Variants in OLFM1 observed in about 807,000 individuals in gnomAD.
OLFM1 encodes olfactomedin 1, also known as noelin.
In OLFM1, 9 loss-of-function variants were observed where a neutral mutation model predicts 49.7. The ratio of observed to expected loss-of-function variants is 0.18; its 90% CI spans 0.11 to 0.32. The LOEUF (loss-of-function observed/expected upper bound fraction) is 0.32. Among genes scored for constraint, OLFM1 ranks in the 10% least tolerant of loss-of-function variants. The pLI is 1.00. For missense variants in OLFM1, 369 were observed against 661.8 expected, an observed-to-expected ratio of 0.56 and a Z score of 4.85; for synonymous variants, 240 against 271.8, an observed-to-expected ratio of 0.88 and a Z score of 1.15.
intron 1 of OLFM1, among the ~76,000 whole-genome samples, chr9:135,078,512 T>C: frequency 6.6e-6 from 1 of 152,194 alleles, no homozygotes; most frequent in Non-Finnish European, 1.5e-5. Flanking sequence ...ATGGATGGCC[T>C]ACGACACGCA....
intron 4 of OLFM1, among the ~76,000 whole-genome samples, chr9:135,099,704 A>C (rs536542333): frequency 6.6e-6 from 1 of 152,230 alleles, no homozygotes; most frequent in African/African-American, 2.4e-5. Flanking sequence ...TGATGTGTGC[A>C]TGCTGGCTGT....
intron 5 of OLFM1, among the ~76,000 whole-genome samples, chr9:135,107,234 C>T (rs544534795): frequency 1.3e-5 from 2 of 152,356 alleles, no homozygotes; most frequent in African/African-American, 4.8e-5. Context: ...GTCCTTGCAT[C>T]TGCTTCAGGA....
At chr9:135,108,099 G>A (rs1016521714) in intron 5 of OLFM1, among the ~76,000 whole-genome samples, 12 of 152,188 alleles carry the variant, frequency 7.9e-5, no homozygotes, top group Non-Finnish European at 1.5e-4. Context: ...CTGCAGAGCC[G>A]GGATACAATT....
intron 3 of OLFM1, chr9:135,097,677 G>A (rs1035056172): frequency 5.3e-6 from 5 of 935,778 alleles, no homozygotes; most frequent in Non-Finnish European, 7.1e-6. Context: ...ATTACAGTGG[G>A]ATTTTTCTAA....
chr9:135,084,052 CT>C (rs1830565010), upstream of OLFM1, among the ~76,000 whole-genome samples: 2 of 152,196 alleles, frequency 1.3e-5, no homozygotes, highest in Admixed American at 1.3e-4. The surrounding 1 kb of genome is among the most constrained non-coding windows in gnomAD (Gnocchi z 4.6). Flanking sequence ...ACCCAGAGGC[CT>C]CAGAGGAGGG....
Position 135,117,038 on chromosome 9 carries a change from C to G in OLFM1, c.784-2466C>G, listed in dbSNP as rs944244057. 6.6e-6 allele frequency among the ~76,000 whole-genome samples: 1 copy of G among 152,090 alleles called. No individual in the cohort carries two copies. Among genetic ancestry groups the G allele is most frequent in the Non-Finnish European group, 1.5e-5 (1 of 68,024 alleles). On this transcript the variant is annotated intron_variant, in intron 5 of 5. Transcript: ENST00000371793. This position sits in a 1 kb window ranked among gnomAD's most constrained non-coding sequence, Gnocchi z 5.5. The stretch of plus-strand genomic sequence containing the variant: ...TCCTTAGTCTCCTGCAGCTCCAGAG[C>G]CCTCGACGGATAAAGCAGCTGTCTC...
chr9:135,076,497 T>C (rs1564264239), intron 1 of OLFM1: 1 of 1,340,612 alleles, frequency 7.5e-7, no homozygotes, highest in Non-Finnish European at 9.8e-7. Flanking sequence ...CTCTGCTTGG[T>C]ATTCTCCATT....
chr9:135,075,749 C>A lies in OLFM1; in HGVS notation c.43C>A (p.Arg15=), dbSNP rs542558574. 4 of 1,606,590 alleles carry A rather than the reference C, an allele frequency of 2.5e-6. No individual in the cohort carries two copies. In the Admixed American group the frequency reaches 6.7e-5, roughly 27 times the overall value. The change falls in exon 1 of 6, where the codon CGG becomes AGG. Residue 15 remains arginine (R), a synonymous_variant. Coordinates refer to the OLFM1 transcript ENST00000252854. ...GTGGCAGCGAGACATGCACCCGGCC[C>A]GGAAGCTCCTCAGCCTCCTCTTCCT... is the stretch of plus-strand genomic sequence containing the variant.
At chr9:135,094,551 G>A (rs944556633) in intron 2 of OLFM1, among the ~76,000 whole-genome samples, 1 of 152,212 alleles carries the variant, frequency 6.6e-6, no homozygotes, top group Admixed American at 6.5e-5. Context: ...TCTCGGGGAA[G>A]AGAAGGGGTG....
chr9:135,103,187 C>T (rs1003963037), intron 4 of OLFM1, among the ~76,000 whole-genome samples: 3 of 152,210 alleles, frequency 2.0e-5, no homozygotes, highest in Non-Finnish European at 2.9e-5. Flanking sequence ...GGCCAGCCCT[C>T]TCCTGCCTCT....
upstream of OLFM1, chr9:135,087,447 T>G (rs544011229): frequency 1.3e-6 from 2 of 1,542,202 alleles, no homozygotes; most frequent in African/African-American, 2.8e-5. Context: ...CGCCGGGTAT[T>G]TTATGATCTG....
chr9:135,103,290 G>T (rs117290733), intron 4 of OLFM1, among the ~76,000 whole-genome samples: 2 of 152,228 alleles, frequency 1.3e-5, no homozygotes, highest in Non-Finnish European at 2.9e-5. Flanking sequence ...TTCCACTGAG[G>T]CTCTGCCATG....
chr9:135,084,469 C>A (rs1472503610), upstream of OLFM1, among the ~76,000 whole-genome samples: 1 of 149,512 alleles, frequency 6.7e-6, no homozygotes, highest in Non-Finnish European at 1.5e-5. The surrounding 1 kb of genome is among the most constrained non-coding windows in gnomAD (Gnocchi z 4.6). Flanking sequence ...TCTCTTCTCT[C>A]TGTCTCTCCT....
chr9:135,119,755 C>T lies in OLFM1; in HGVS notation c.1035C>T (p.Tyr345=), dbSNP rs1229822440. The T allele has an allele frequency of 3.1e-6, 5 of 1,614,058 alleles. No individual in the cohort carries two copies. In the South Asian group the frequency reaches 3.3e-5, roughly 11 times the overall value. The part of the protein sequence containing the change: ...SLDYAGYNNM[Y]HYAWGGHSDI... ...ACTATGCCGGTTACAACAACATGTA[C>T]CACTACGCCTGGGGTGGCCACTCGG... Residue 345 remains tyrosine (Y), a synonymous_variant, in exon 6 of 6, where the codon TAC becomes TAT. Transcript: ENST00000371793.
exon 1 of OLFM1, chr9:135,075,657 G>A (rs771027254): frequency 1.2e-5 from 17 of 1,381,376 alleles, no homozygotes; most frequent in Non-Finnish European, 1.6e-5. Flanking sequence ...CAGAGCCGGA[G>A]CGCGTCCGCG....
intron 2 of OLFM1, among the ~76,000 whole-genome samples, chr9:135,094,649 A>G (rs935857472): frequency 3.9e-5 from 6 of 152,184 alleles, no homozygotes; most frequent in African/African-American, 1.2e-4. Context: ...ATAACAAGAT[A>G]TGAAATTCCT....
chr9:135,087,259 C>G, upstream of OLFM1: 1 of 1,450,518 alleles, frequency 6.9e-7, no homozygotes, highest in African/African-American at 1.5e-5. Context: ...CTGGGACCCT[C>G]GAATCACCGC....
upstream of OLFM1, chr9:135,086,558 T>A: frequency 2.2e-6 from 1 of 454,648 alleles, no homozygotes. Flanking sequence ...AAGAGTGTAG[T>A]GAGTGATCTG....
chr9:135,111,269 G>A (rs1050196940), intron 5 of OLFM1, among the ~76,000 whole-genome samples: 27 of 152,298 alleles, frequency 1.8e-4, no homozygotes, highest in African/African-American at 5.8e-4. Flanking sequence ...TATCTTTTCC[G>A]GCAAAGAAAC....
Sources: allele counts gnomAD v4.1 joint callset (sites outside exome capture counted in the v4.1 genomes callset), GRCh38; gene constraint gnomAD v4.1.1; non-coding constraint Gnocchi (gnomAD v3.1); transcripts MANE v1.5; gene names NCBI Gene and HGNC (gene_info 2026-07-23, HGNC 2026-07-21).